HMGB1: variants seen among roughly 807,000 people sequenced by gnomAD.
The protein encoded by HMGB1 is high mobility group box 1, also known as high mobility group protein B1.
For synonymous variants in HMGB1, 81 were observed against 84.0 expected (o/e 0.96, Z 0.19); for missense variants, 79 against 253.5 (o/e 0.31, Z 4.67).
At chr13:30,462,148 A>C (rs775242763) in intron 4 of HMGB1, among the ~76,000 whole-genome samples, 1 of 152,210 alleles carries the variant, frequency 6.6e-6, no homozygotes, top group Non-Finnish European at 1.5e-5. Context: ...TTGAGTATCT[A>C]AAGGAAAAGA....
intron 1 of HMGB1, among the ~76,000 whole-genome samples, chr13:30,552,617 T>A (rs557099468): frequency 2.6e-5 from 4 of 152,208 alleles, no homozygotes; most frequent in Non-Finnish European, 4.4e-5. Context: ...TCTATTTTCT[T>A]TTCTGTCGTA....
chr13:30,489,844 C>T (rs1399190844), intron 1 of HMGB1, among the ~76,000 whole-genome samples: 4 of 151,092 alleles, frequency 2.6e-5, no homozygotes, highest in African/African-American at 7.3e-5. Context: ...CAGCAATTCT[C>T]CTGCCTCAGC....
intron 1 of HMGB1, among the ~76,000 whole-genome samples, chr13:30,512,988 C>T (rs1405672466): frequency 1.3e-5 from 2 of 152,092 alleles, no homozygotes; most frequent in Non-Finnish European, 2.9e-5. Context: ...CGTGGTGAAA[C>T]CCCATCTCTA....
intron 1 of HMGB1, among the ~76,000 whole-genome samples, chr13:30,584,698 TTATTTAAATAAAA>T (rs1871063972): frequency 6.6e-6 from 1 of 152,258 alleles, no homozygotes; most frequent in Non-Finnish European, 1.5e-5. Flanking sequence ...TATTTTCTAA[TTATTTAAATAAAA>T]TATTTACTAT....
At chr13:30,522,135 C>A (rs1046667401) in intron 1 of HMGB1, among the ~76,000 whole-genome samples, 33 of 110,544 alleles carry the variant, frequency 3.0e-4, no homozygotes, top group African/African-American at 1.1e-3. Flanking sequence ...TTGGGCAAGA[C>A]AAGGTCTTGC....
intron 1 of HMGB1, among the ~76,000 whole-genome samples, chr13:30,578,257 G>C (rs768054512): frequency 6.6e-5 from 10 of 150,868 alleles, no homozygotes; most frequent in Non-Finnish European, 1.3e-4. Context: ...CATACCTTTT[G>C]CAAGCCTTTA....
chr13:30,467,427 G>A (rs538851252), upstream of HMGB1, among the ~76,000 whole-genome samples: 156 of 152,142 alleles, frequency 1.0e-3, no homozygotes, highest in Non-Finnish European at 1.1e-3. Context: ...CTGTTTTAAT[G>A]TTGATTTCTT....
At chr13:30,511,951 C>A (rs896776082) in intron 1 of HMGB1, among the ~76,000 whole-genome samples, 1 of 152,042 alleles carries the variant, frequency 6.6e-6, no homozygotes, top group Admixed American at 6.6e-5. Flanking sequence ...TTTGTGGGGG[C>A]GACTGTGGCC....
At chr13:30,596,159 C>T (rs1284433418) in intron 1 of HMGB1, among the ~76,000 whole-genome samples, 1 of 152,092 alleles carries the variant, frequency 6.6e-6, no homozygotes, top group Non-Finnish European at 1.5e-5. Flanking sequence ...AATAATCTGG[C>T]CAGTAATTGT....
chr13:30,482,459 T>C (rs571088800), intron 1 of HMGB1, among the ~76,000 whole-genome samples: 21 of 152,352 alleles, frequency 1.4e-4, no homozygotes, highest in African/African-American at 4.8e-4. Flanking sequence ...ATTCACCATC[T>C]GCTAGGATCA....
chr13:30,528,544 T>A (rs1888421836), intron 1 of HMGB1, among the ~76,000 whole-genome samples: 1 of 152,238 alleles, frequency 6.6e-6, no homozygotes, highest in Non-Finnish European at 1.5e-5. Flanking sequence ...CATATGCAGT[T>A]ATATACATAT....
At chr13:30,532,827 T>A (rs548953391) in intron 1 of HMGB1, among the ~76,000 whole-genome samples, 31 of 152,138 alleles carry the variant, frequency 2.0e-4, no homozygotes, top group Non-Finnish European at 3.8e-4. Context: ...CTTCCAGATG[T>A]TTGGTTTTAT....
intron 4 of HMGB1, chr13:30,462,198 T>TAA: frequency 2.8e-6 from 1 of 354,182 alleles, no homozygotes; most frequent in Non-Finnish European, 5.4e-6. Context: ...AAATATAGCC[T>TAA]ATATTACTTT....
upstream of HMGB1, among the ~76,000 whole-genome samples, chr13:30,468,498 C>T (rs943361542): frequency 8.5e-5 from 13 of 152,162 alleles, no homozygotes; most frequent in Non-Finnish European, 1.6e-4. Context: ...AGGTGATCCG[C>T]CCACCTTGGC....
chr13:30,615,529 C>G (rs1190458035), intron 1 of HMGB1, among the ~76,000 whole-genome samples: 3 of 152,154 alleles, frequency 2.0e-5, no homozygotes, highest in Non-Finnish European at 4.4e-5. Context: ...ATTTTGCTAC[C>G]AAATGAATTT....
At chr13:30,494,891 T>C (rs1475676014) in intron 1 of HMGB1, among the ~76,000 whole-genome samples, 1 of 152,210 alleles carries the variant, frequency 6.6e-6, no homozygotes, top group Non-Finnish European at 1.5e-5. Context: ...TGTAAGAGTA[T>C]ATATTCCACC....
chr13:30,494,476 C>T (rs1887567336), intron 1 of HMGB1, among the ~76,000 whole-genome samples: 1 of 152,110 alleles, frequency 6.6e-6, no homozygotes, highest in Non-Finnish European at 1.5e-5. Context: ...ATTCTCCTGC[C>T]TCAGCCTCCG....
intron 1 of HMGB1, among the ~76,000 whole-genome samples, chr13:30,600,495 G>C (rs905415082): frequency 6.6e-6 from 1 of 152,112 alleles, no homozygotes; most frequent in African/African-American, 2.4e-5. Context: ...ACATTTTTGA[G>C]TACCTGCTAG....
intron 1 of HMGB1, among the ~76,000 whole-genome samples, chr13:30,483,338 A>C (rs769841927): frequency 6.9e-6 from 1 of 145,422 alleles, no homozygotes; most frequent in African/African-American, 2.5e-5. Flanking sequence ...CAGAAACCTG[A>C]GTATCATCAT....
Sources: gnomAD v4.1 joint callset for allele counts (sites outside exome capture counted in the v4.1 genomes callset) on GRCh38, gnomAD v4.1.1 for gene constraint, MANE v1.5 for transcripts, NCBI Gene and HGNC (gene_info 2026-07-23, HGNC 2026-07-21) for gene names.